ARHGEF28: variants seen among roughly 807,000 people sequenced by gnomAD.
ARHGEF28 encodes 190 kDa guanine nucleotide exchange factor.
ARHGEF28 carries 152 observed loss-of-function variants against 206.6 expected under a neutral mutation model. The observed-to-expected ratio is 0.74, with a 90% CI of 0.64 to 0.84. ARHGEF28 has a LOEUF of 0.84. Among genes scored for constraint, ARHGEF28 ranks in the 40% least tolerant of loss-of-function variants. The pLI, the probability that ARHGEF28 is intolerant of heterozygous loss-of-function variation, is 0.00. For missense variants in ARHGEF28, 2,028 were observed against 2,073.2 expected, an observed-to-expected ratio of 0.98 and a Z score of 0.42; for synonymous variants, 763 against 776.4, an observed-to-expected ratio of 0.98 and a Z score of 0.29.
chr5:73,711,846 A>G (rs1749266389), intron 2 of ARHGEF28, among the ~76,000 whole-genome samples: 1 of 151,814 alleles, frequency 6.6e-6, no homozygotes, highest in Admixed American at 6.6e-5. Context: ...AATAGAAGTT[A>G]GTGAGAAAGG....
chr5:73,781,437 T>C (rs1004236005), intron 7 of ARHGEF28, among the ~76,000 whole-genome samples: 3 of 152,230 alleles, frequency 2.0e-5, no homozygotes, highest in Non-Finnish European at 2.9e-5. Flanking sequence ...GCATAATACC[T>C]AGCTCATATG....
chr5:73,925,119 G>A (rs1763727548), intron 35 of ARHGEF28, among the ~76,000 whole-genome samples: 1 of 152,174 alleles, frequency 6.6e-6, no homozygotes, highest in Admixed American at 6.5e-5. Context: ...ATAAGGGTTG[G>A]TATCCAGACC....
At chr5:73,798,581 G>A (rs1252196847) in intron 9 of ARHGEF28, among the ~76,000 whole-genome samples, 1 of 152,146 alleles carries the variant, frequency 6.6e-6, no homozygotes, top group Non-Finnish European at 1.5e-5. Flanking sequence ...TCGAAGGGGA[G>A]AATCATCAGT....
intron 12 of ARHGEF28, among the ~76,000 whole-genome samples, chr5:73,847,555 G>A (rs1758443639): frequency 1.3e-5 from 2 of 152,164 alleles, no homozygotes; most frequent in Admixed American, 1.3e-4. Flanking sequence ...TTGTATGGTT[G>A]TTATGTAGAT....
intron 1 of ARHGEF28, among the ~76,000 whole-genome samples, chr5:73,638,684 C>T (rs528294934): frequency 5.3e-5 from 8 of 152,158 alleles, no homozygotes; most frequent in African/African-American, 1.9e-4. Context: ...CTGATTAGTA[C>T]CTAAAATTAA....
chr5:73,746,251 A>ATCT (rs1751710465), intron 2 of ARHGEF28, among the ~76,000 whole-genome samples: 1 of 152,118 alleles, frequency 6.6e-6, no homozygotes. Flanking sequence ...TTAAAATGTT[A>ATCT]AAAAGTCAGA....
chr5:73,866,353 C>T (rs1452580702), intron 18 of ARHGEF28, among the ~76,000 whole-genome samples: 1 of 152,190 alleles, frequency 6.6e-6, no homozygotes, highest in African/African-American at 2.4e-5. Flanking sequence ...AGAAATACTA[C>T]ATGAAATGTA....
chr5:73,845,110 T>A (rs764172803), intron 11 of ARHGEF28, among the ~76,000 whole-genome samples: 1 of 149,030 alleles, frequency 6.7e-6, no homozygotes, highest in South Asian at 2.2e-4. Flanking sequence ...CTCTGCCTCC[T>A]GGGTTCACGC....
At chr5:73,657,036 G>C (rs1745253843) in intron 1 of ARHGEF28, among the ~76,000 whole-genome samples, 1 of 151,958 alleles carries the variant, frequency 6.6e-6, no homozygotes. Flanking sequence ...AGCCAGGCAT[G>C]GTGGCGGGCA....
intron 9 of ARHGEF28, among the ~76,000 whole-genome samples, chr5:73,807,777 C>G (rs1384748455): frequency 6.6e-6 from 1 of 151,968 alleles, no homozygotes; most frequent in East Asian, 1.9e-4. Flanking sequence ...TGAGCCACCA[C>G]GTCTGGCTCA....
At chr5:73,849,151 A>G in intron 13 of ARHGEF28, 64 bp downstream of exon 13, 13 of 1,151,626 alleles carry the variant, frequency 1.1e-5, no homozygotes, top group Non-Finnish European at 1.5e-5. Context: ...TTCAGTTAGT[A>G]TAAGTACATA....
intron 2 of ARHGEF28, among the ~76,000 whole-genome samples, chr5:73,744,409 G>A (rs1751608740): frequency 6.6e-6 from 1 of 152,094 alleles, no homozygotes; most frequent in Non-Finnish European, 1.5e-5. Context: ...GAGCTAGTTA[G>A]CAGTAGTACC....
rs1762765523 is a variant in ARHGEF28, at chr5:73,909,657, G to A, written c.4407G>A (p.Glu1469=). 1.3e-6 allele frequency: 2 copies of A among 1,545,854 alleles called. No homozygotes were observed. The highest frequency in any genetic ancestry group is 1.7e-6 in the Non-Finnish European group (2 of 1,144,790). Residue 1469 remains glutamate (E), a synonymous_variant, in exon 34 of 36, where the codon GAG becomes GAA. Transcript: ENST00000513042. ...EQQQRAQATR[E]SWLQEREREC... ...AGCAGCGGGCGCAGGCGACCAGGGA[G>A]AGCTGGCTGCAGGAGCGGGAGCGGG... is the stretch of plus-strand genomic sequence containing the variant.
chr5:73,654,586 A>G (rs1745057798), intron 1 of ARHGEF28, among the ~76,000 whole-genome samples: 1 of 152,210 alleles, frequency 6.6e-6, no homozygotes, highest in South Asian at 2.1e-4. Flanking sequence ...GAAATCTGGA[A>G]TTCACCATGA....
chr5:73,761,079 G>T (rs1752578379), intron 4 of ARHGEF28, among the ~76,000 whole-genome samples: 1 of 152,100 alleles, frequency 6.6e-6, no homozygotes, highest in Non-Finnish European at 1.5e-5. Flanking sequence ...TACCCAATGT[G>T]CTTCCCAAAG....
intron 16 of ARHGEF28, 74 bp from the exon 17 acceptor site, chr5:73,864,743 G>T: frequency 7.8e-7 from 1 of 1,286,478 alleles, no homozygotes; most frequent in East Asian, 2.4e-5. Flanking sequence ...ACCAGTGAAA[G>T]CATGATGTAG....
chr5:73,687,682 C>T (rs907141202), intron 2 of ARHGEF28, among the ~76,000 whole-genome samples: 2 of 151,808 alleles, frequency 1.3e-5, no homozygotes, highest in African/African-American at 4.8e-5. Flanking sequence ...CTTCTAGTTT[C>T]TCTTAGTTTA....
At chr5:73,786,862 A>G (rs1754192448) in intron 7 of ARHGEF28, among the ~76,000 whole-genome samples, 1 of 152,210 alleles carries the variant, frequency 6.6e-6, no homozygotes, top group African/African-American at 2.4e-5. Flanking sequence ...GTGTTTTGAG[A>G]TACCAGGACC....
intron 14 of ARHGEF28, among the ~76,000 whole-genome samples, chr5:73,857,238 T>C (rs531102910): frequency 8.7e-4 from 133 of 152,298 alleles, no homozygotes; most frequent in African/African-American, 2.9e-3. Context: ...TGCATATTGT[T>C]GGTTATTTGG....
Sources: allele counts gnomAD v4.1 joint callset (sites outside exome capture counted in the v4.1 genomes callset), GRCh38; gene constraint gnomAD v4.1.1; transcripts MANE v1.5; gene names NCBI Gene and HGNC (gene_info 2026-07-23, HGNC 2026-07-21).